Variants in REV1 observed in about 807,000 individuals in gnomAD.
The protein encoded by REV1 is REV1 DNA directed polymerase.
In REV1, 42 loss-of-function variants were observed where a neutral mutation model predicts 137.4. That is an observed-to-expected ratio of 0.31 (90% CI 0.24 to 0.40). The LOEUF (loss-of-function observed/expected upper bound fraction) is 0.40, where lower values mean the gene tolerates loss of function less well. Ranked by LOEUF, REV1 falls within the 10% of genes least tolerant of loss-of-function variation. The pLI is 1.00. For missense variants in REV1, 1,282 were observed against 1,490.1 expected (o/e 0.86, Z 2.30); for synonymous variants, 524 against 519.2 (o/e 1.01, Z -0.12).
At chr2:99,403,137 A>C in intron 19 of REV1, 31 bp from the exon 20 acceptor site, 1 of 1,477,156 alleles carries the variant, frequency 6.8e-7, no homozygotes, top group East Asian at 2.4e-5. Context: ...GATCCTCAAC[A>C]AAATGATAGT....
Position 99,465,059 on chromosome 2 carries a change from T to A in REV1, c.-10-74A>T, listed in dbSNP as rs1350432924. The A allele has an allele frequency of 1.6e-5, 20 of 1,231,066 alleles. 1 individual carries two copies. In the South Asian group the frequency reaches 2.4e-4, roughly 15 times the overall value. 76.3% of individuals were successfully genotyped at this position (1,231,066 alleles called of 1,614,324 possible). On this transcript the variant is annotated intron_variant, in intron 1 of 22. Transcript: ENST00000258428. ...TTCTAAATGATATTTTATTTCAATA[T>A]CAAGAAAATGAGAAATTAAATTCAA... is the stretch of plus-strand genomic sequence containing the variant.
intron 3 of REV1, among the ~76,000 whole-genome samples, chr2:99,456,639 G>A (rs1559380390): frequency 6.6e-6 from 1 of 152,144 alleles, no homozygotes; most frequent in Non-Finnish European, 1.5e-5. Context: ...ACTTAATATA[G>A]AATTAAGACC....
intron 1 of REV1, among the ~76,000 whole-genome samples, chr2:99,472,557 A>T (rs541231613): frequency 2.0e-5 from 3 of 152,338 alleles, no homozygotes; most frequent in East Asian, 1.9e-4. Context: ...AGAGTTTTTT[A>T]AAAAAGTAGT....
At position 99,429,857 on chromosome 2, in the gene REV1, A is replaced by G. The variant is rs1559332818; in HGVS notation, c.1530T>C (p.Ser510=). The G allele has an allele frequency of 6.3e-7, 1 of 1,598,942 alleles. No individual in the cohort carries two copies. The highest frequency in any genetic ancestry group is 8.5e-7 in the Non-Finnish European group (1 of 1,173,498). Residue 510 remains serine (S), a synonymous_variant, in exon 9 of 23, where the codon TCT becomes TCC. Transcript: ENST00000258428. ...CTACATACCTGGCCTCATAACTACA[A>G]GATGCAATTTCAGCCCTTGACAAAA... The part of the protein sequence containing the change: ...DSVLSRAEIA[S]CSYEARQLGI...
chr2:99,485,073 A>T (rs1687000712), intron 1 of REV1, among the ~76,000 whole-genome samples: 1 of 152,218 alleles, frequency 6.6e-6, no homozygotes, highest in Admixed American at 6.5e-5. Flanking sequence ...TTAAAAAAAA[A>T]TTTACACCTA....
intron 1 of REV1, among the ~76,000 whole-genome samples, chr2:99,468,009 T>A (rs1391577984): frequency 2.0e-5 from 3 of 152,012 alleles, no homozygotes; most frequent in African/African-American, 7.2e-5. Context: ...GGAGAAACCC[T>A]GTCTCTACTA....
In REV1 at chr2:99,438,693, G is replaced by A. The variant is rs1382331813; in HGVS notation, c.1121C>T (p.Thr374Ile). The A allele has an allele frequency of 2.5e-6, 4 of 1,613,996 alleles. No individual in the cohort carries two copies. The South Asian group carries it at 4.4e-5, about 18-fold the overall frequency. Residue 374 changes from threonine to isoleucine, a missense_variant, in exon 6 of 23, where the codon ACC becomes ATC. Thr to Ile is a moderately conservative substitution (Grantham distance 89, BLOSUM62 -1). Transcript: ENST00000258428. ...WKCELTEFVN[T>I]LQRQSNGIFP... ...GATACCATTACTTTGTCTTTGTAGG[G>A]TATTGACAAACTCAGTCAATTCACA...
At chr2:99,404,821 C>CTCCA (rs1249289388) in intron 17 of REV1, 144 bp from the exon 18 acceptor site, 1 of 671,538 alleles carries the variant, frequency 1.5e-6, no homozygotes, top group African/African-American at 1.8e-5. Flanking sequence ...GGAAAGCCAC[C>CTCCA]TCCAAATCAG....
At chr2:99,424,029 T>C (rs1679021160) in intron 10 of REV1, 123 bp downstream of exon 10, 2 of 1,043,084 alleles carry the variant, frequency 1.9e-6, no homozygotes, top group East Asian at 5.3e-5. Flanking sequence ...TGAGGAGTGG[T>C]TCCTGGAAGA....
chr2:99,446,675 A>C (rs546230055), intron 4 of REV1, among the ~76,000 whole-genome samples: 1 of 152,154 alleles, frequency 6.6e-6, no homozygotes, highest in African/African-American at 2.4e-5. Flanking sequence ...TTGTATTTTT[A>C]GTAGAGACAG....
intron 6 of REV1, among the ~76,000 whole-genome samples, chr2:99,438,295 A>G (rs1461657596): frequency 1.3e-5 from 2 of 152,236 alleles, no homozygotes; most frequent in African/African-American, 2.4e-5. Context: ...GATAGATGTT[A>G]TATTAACACA....
chr2:99,423,713 T>G (rs755268536), intron 10 of REV1, among the ~76,000 whole-genome samples: 18 of 152,216 alleles, frequency 1.2e-4, no homozygotes, highest in African/African-American at 4.8e-5. Context: ...TTTTGGCATA[T>G]CCAATGATTT....
At chr2:99,448,755 A>C (rs1320619748) in intron 4 of REV1, among the ~76,000 whole-genome samples, 1 of 152,200 alleles carries the variant, frequency 6.6e-6, no homozygotes, top group Non-Finnish European at 1.5e-5. Context: ...CTAGTCTTTA[A>C]GAGGTGCACA....
chr2:99,434,113 G>C (rs1680440142), intron 8 of REV1, among the ~76,000 whole-genome samples: 1 of 152,076 alleles, frequency 6.6e-6, no homozygotes, highest in Admixed American at 6.6e-5. Context: ...TTTATACAAA[G>C]CAAATCAATC....
chr2:99,415,462 T>C (rs1410985801), intron 12 of REV1, among the ~76,000 whole-genome samples: 1 of 152,178 alleles, frequency 6.6e-6, no homozygotes, highest in Non-Finnish European at 1.5e-5. Context: ...GGCTATCCAA[T>C]ACAGACATAG....
intron 1 of REV1, among the ~76,000 whole-genome samples, chr2:99,466,613 A>G (rs528169896): frequency 3.3e-5 from 5 of 152,286 alleles, no homozygotes; most frequent in East Asian, 3.9e-4. Flanking sequence ...GTTGACATTT[A>G]TAACAATTTG....
chr2:99,469,887 C>T (rs1026315003), intron 1 of REV1, among the ~76,000 whole-genome samples: 2 of 151,804 alleles, frequency 1.3e-5, no homozygotes, highest in Non-Finnish European at 2.9e-5. Flanking sequence ...TCTGGGGGGC[C>T]GAGGCGGGCA....
intron 1 of REV1, among the ~76,000 whole-genome samples, chr2:99,467,007 A>T (rs1684885831): frequency 6.6e-6 from 1 of 152,222 alleles, no homozygotes; most frequent in Non-Finnish European, 1.5e-5. Context: ...GGAACAAGTA[A>T]AGAGTTTGGG....
chr2:99,476,271 C>A (rs1685963206), intron 1 of REV1, among the ~76,000 whole-genome samples: 1 of 151,992 alleles, frequency 6.6e-6, no homozygotes, highest in African/African-American at 2.4e-5. Context: ...CTTAGAACGT[C>A]CACCTTATGG....
Sources: allele counts gnomAD v4.1 joint callset (sites outside exome capture counted in the v4.1 genomes callset), GRCh38; gene constraint gnomAD v4.1.1; transcripts MANE v1.5; gene names NCBI Gene and HGNC (gene_info 2026-07-23, HGNC 2026-07-21).